CAPN1: variants seen among roughly 807,000 people sequenced by gnomAD.
CAPN1 encodes calpain 1.
CAPN1 carries 77 observed loss-of-function variants against 105.2 expected under a neutral mutation model. That is an observed-to-expected ratio of 0.73 (90% confidence interval 0.61 to 0.88). CAPN1 has a LOEUF of 0.88. Among genes scored for constraint, CAPN1 ranks in the 40% least tolerant of loss-of-function variants. The pLI, the probability that CAPN1 is intolerant of heterozygous loss-of-function variation, is 0.00. For missense variants in CAPN1, 833 were observed against 976.6 expected (o/e 0.85, Z 1.96); for synonymous variants, 355 against 388.8 (o/e 0.91, Z 1.02).
At chr11:65,183,036 C>T (rs2137307049) in intron 2 of CAPN1, 68 bp downstream of exon 2, 1 of 1,607,928 alleles carries the variant, frequency 6.2e-7, no homozygotes, top group South Asian at 1.1e-5. Context: ...GGATGGGACT[C>T]CATGTCCCTG....
rs778722037 is a variant in CAPN1 at position 65,186,196 on chromosome 11, CAG to C, written c.618_619del (p.Gly208GlnfsTer7). ...GTAAATGGCAGCTACGAGGCCCTGT[CAG>C]GGGGCAGCACCTCAGAGGGCTTTGA... is the stretch of plus-strand genomic sequence containing the variant. On this transcript the variant is annotated frameshift_variant, in exon 6 of 22. Transcript: ENST00000279247. LOFTEE classifies it high-confidence loss of function. The C allele has an allele frequency of 7.0e-5, 113 of 1,613,406 alleles. No homozygotes were observed. The highest frequency in any genetic ancestry group is 1.5e-4 in the Admixed American group (9 of 59,960).
In CAPN1 at chr11:65,208,033, C is replaced by G; in HGVS notation, c.1606-22C>G. The G allele has an allele frequency of 1.9e-6, 3 of 1,569,300 alleles. No homozygotes were observed. Among genetic ancestry groups the G allele is most frequent in the Non-Finnish European group, 2.6e-6 (3 of 1,156,690 alleles). On this transcript the variant is annotated intron_variant, in intron 14 of 21. Transcript: ENST00000279247. The surrounding 1 kb of genome is among the most constrained non-coding windows in gnomAD (Gnocchi z 4.1). Reference sequence around the variant, plus strand: ...GCAGGGCCGGGGCCTCTCTTACCTGCTTTCTCCCCTTCTCGGTCCAGCAAG... The same window carrying G: ...GCAGGGCCGGGGCCTCTCTTACCTGGTTTCTCCCCTTCTCGGTCCAGCAAG...
At position 65,188,351 on chromosome 11, in the gene CAPN1, C is replaced by T; in HGVS notation, c.930-63C>T. ...GGAAGACAGGCCAGGGTAGACAGGC[C>T]CCAGGGACAGAGGCCAGGCAGGTCA... On this transcript the variant is annotated intron_variant, in intron 8 of 21. Coordinates refer to ENST00000279247, the MANE Select transcript of CAPN1 (RefSeq NM_005186.4). The surrounding 1 kb of genome is among the most constrained non-coding windows in gnomAD (Gnocchi z 5.5). 1.4e-6 allele frequency: 2 copies of T among 1,458,462 alleles called. No homozygotes were observed. Among genetic ancestry groups the T allele is most frequent in the Non-Finnish European group, 1.9e-6 (2 of 1,059,714 alleles). 90.3% of individuals were successfully genotyped at this position (1,458,462 alleles called of 1,614,324 possible).
Position 65,188,699 on chromosome 11 carries a change from G to T in CAPN1, c.1118G>T (p.Gly373Val). Residue 373 changes from glycine to valine, a missense_variant, in exon 10 of 22, where the codon GGC (glycine) becomes GTC (valine). Coordinates refer to ENST00000279247, the MANE Select transcript of CAPN1 (RefSeq NM_005186.4). This position sits in a 1 kb window ranked among gnomAD's most constrained non-coding sequence, Gnocchi z 5.5. ...AAATGGAACACCACACTCTACGAAG[G>T]CACCTGGCGGCGGGGGAGCACCGCG... is the stretch of plus-strand genomic sequence containing the variant. ...IRKWNTTLYE[G>V]TWRRGSTAGG... 6.2e-7 allele frequency: 1 copy of T among 1,607,524 alleles called. No homozygotes were observed. The highest frequency in any genetic ancestry group is 8.5e-7 in the Non-Finnish European group (1 of 1,177,026).
rs1948675582 is a variant in CAPN1, at chr11:65,188,655, C to G, written c.1074C>G (p.Leu358=). The G allele has an allele frequency of 6.2e-7, 1 of 1,613,950 alleles. No homozygotes were observed. Among genetic ancestry groups the G allele is most frequent in the Non-Finnish European group, 8.5e-7 (1 of 1,179,862 alleles). The change falls in exon 10 of 22, where the codon CTC becomes CTG. Residue 358 remains leucine (L), a synonymous_variant. Transcript: ENST00000279247. This position sits in a 1 kb window ranked among gnomAD's most constrained non-coding sequence, Gnocchi z 5.5. The stretch of plus-strand genomic sequence containing the variant: ...TCTGCAACCTCACACCCGACGCCCT[C>G]AAGAGCCGGACCATCCGCAAATGGA... The part of the protein sequence containing the change: ...LEICNLTPDA[L]KSRTIRKWNT...
chr11:65,188,620 C>T lies in CAPN1; in HGVS notation c.1039C>T (p.Arg347Cys), dbSNP rs200456847. The T allele has an allele frequency of 3.2e-5, 52 of 1,613,828 alleles. No individual in the cohort carries two copies. The Admixed American group carries it at 4.8e-4, about 15-fold the overall frequency. The change falls in exon 10 of 22, where the codon CGC becomes TGC. Residue 347 changes from arginine (R) to cysteine (C), a missense_variant. By Grantham distance (180) the Arg-to-Cys change is radical. Transcript: ENST00000279247. This position sits in a 1 kb window ranked among gnomAD's most constrained non-coding sequence, Gnocchi z 5.5. ...SFRDFMREFT[R>C]LEICNLTPDA... ...CCGAGACTTCATGCGGGAGTTCACC[C>T]GCCTGGAGATCTGCAACCTCACACC...
At position 65,211,115 on chromosome 11, in the gene CAPN1, G is replaced by T. The variant is rs1012168585; in HGVS notation, c.2119-145G>T. The T allele has an allele frequency of 9.9e-6, 9 of 912,986 alleles. No individual in the cohort carries two copies. The East Asian group carries it at 2.4e-4, about 24-fold the overall frequency. The allele number at this position is 912,986 out of a possible 1,614,324, so 56.6% of individuals were successfully genotyped here. On this transcript the variant is annotated intron_variant, in intron 21 of 21. Coordinates refer to ENST00000279247, the MANE Select transcript of CAPN1 (RefSeq NM_005186.4). Reference sequence around the variant, plus strand: ...AGCAGCACTCTGGTTTCCCAGGGGTGGAGGAGGTAAGAAAGTAACCCCTCC... The same window carrying T: ...AGCAGCACTCTGGTTTCCCAGGGGTTGAGGAGGTAAGAAAGTAACCCCTCC...
Position 65,188,127 on chromosome 11 carries a change from C to A in CAPN1, c.929+87C>A. 2.0e-6 allele frequency: 2 copies of A among 985,380 alleles called. No individual in the cohort carries two copies. Among genetic ancestry groups the A allele is most frequent in the Non-Finnish European group, 3.0e-6 (2 of 663,924 alleles). 61.0% of individuals were successfully genotyped at this position (985,380 alleles called of 1,614,324 possible). On this transcript the variant is annotated intron_variant, in intron 8 of 21. Transcript: ENST00000279247. The surrounding 1 kb of genome is among the most constrained non-coding windows in gnomAD (Gnocchi z 5.5). The stretch of plus-strand genomic sequence containing the variant: ...CTGCTCGGGACTCTACCAGGCCAGG[C>A]TGGACTCAGGATTGAGCAGAGGGGC...
At chr11:65,200,192 G>A (rs2137365473) in intron 10 of CAPN1, among the ~76,000 whole-genome samples, 1 of 152,120 alleles carries the variant, frequency 6.6e-6, no homozygotes, top group African/African-American at 2.4e-5. Flanking sequence ...TGGGACTACA[G>A]GCACACACCA....
rs150973892 is a variant in CAPN1 at position 65,209,857 on chromosome 11, C to T, written c.1803C>T (p.Gly601=). 7.7e-5 allele frequency: 125 copies of T among 1,613,738 alleles called. No individual in the cohort carries two copies. The highest frequency in any genetic ancestry group is 6.7e-4 in the East Asian group (30 of 44,880). Residue 601 remains glycine (G), a synonymous_variant, in exon 18 of 22, where the codon GGC becomes GGT. Coordinates refer to ENST00000279247, the MANE Select transcript of CAPN1 (RefSeq NM_005186.4). The surrounding 1 kb of genome is among the most constrained non-coding windows in gnomAD (Gnocchi z 4.1). ...RSMVNLMDRD[G]NGKLGLVEFN... ...TCTTAACGGCCACCCAGCGTGATGGCAATGGGAAGCTGGGCCTGGTGGAGT... is the reference window on the plus strand; with the variant it reads ...TCTTAACGGCCACCCAGCGTGATGGTAATGGGAAGCTGGGCCTGGTGGAGT...
intron 10 of CAPN1, among the ~76,000 whole-genome samples, chr11:65,195,835 A>G (rs891998044): frequency 6.6e-6 from 1 of 152,072 alleles, no homozygotes; most frequent in South Asian, 2.1e-4. Flanking sequence ...GTTTGGTGGA[A>G]TTTCGAAGCC....
At position 65,205,003 on chromosome 11, in the gene CAPN1, T is replaced by C. The variant is rs1016401327; in HGVS notation, c.1341+145T>C. On this transcript the variant is annotated intron_variant, in intron 11 of 21. Coordinates refer to ENST00000279247, the MANE Select transcript of CAPN1 (RefSeq NM_005186.4). Reference sequence around the variant, plus strand: ...TTCCCCTCCACTCCCCCCACCATCCTGAGGGCTGGGAAATCTCAGCCTCCA... The same window carrying C: ...TTCCCCTCCACTCCCCCCACCATCCCGAGGGCTGGGAAATCTCAGCCTCCA... The C allele has an allele frequency of 1.5e-5, 10 of 688,032 alleles. No homozygotes were observed. In the African/African-American group the frequency reaches 1.6e-4, roughly 11 times the overall value. 42.6% of individuals were successfully genotyped at this position (688,032 alleles called of 1,614,324 possible).
chr11:65,197,118 T>C (rs561657448), intron 10 of CAPN1, among the ~76,000 whole-genome samples: 22 of 152,350 alleles, frequency 1.4e-4, no homozygotes, highest in Non-Finnish European at 2.5e-4. Context: ...TCCTGAAGTC[T>C]GTTCTCTCAG....
At chr11:65,186,446 C>G in intron 6 of CAPN1, 108 bp downstream of exon 6, 1 of 996,712 alleles carries the variant, frequency 1.0e-6, no homozygotes, top group South Asian at 1.7e-5. Context: ...CTGTCCTGCA[C>G]TTAAGCTTCA....
intron 10 of CAPN1, among the ~76,000 whole-genome samples, chr11:65,190,131 C>T (rs758618958): frequency 6.6e-5 from 10 of 152,222 alleles, no homozygotes; most frequent in African/African-American, 9.6e-5. Context: ...AGTGTCATTA[C>T]GGAGAGTCCT....
chr11:65,204,879 G>A (rs1226360760), intron 11 of CAPN1, 21 bp downstream of exon 11: 2 of 1,590,782 alleles, frequency 1.3e-6, no homozygotes, highest in African/African-American at 2.7e-5. Flanking sequence ...TGGATCACCG[G>A]TGGATCTCAC....
At chr11:65,201,067 C>G (rs551592756) in intron 10 of CAPN1, among the ~76,000 whole-genome samples, 42 of 150,878 alleles carry the variant, frequency 2.8e-4, no homozygotes. Flanking sequence ...GCCTCAGCCT[C>G]CCCAGTAGCT....
chr11:65,203,837 C>T (rs1948909013), intron 10 of CAPN1, among the ~76,000 whole-genome samples: 2 of 152,098 alleles, frequency 1.3e-5, no homozygotes, highest in African/African-American at 4.8e-5. Context: ...GTGAGGTTCC[C>T]ATCCCTCCAC....
rs372785668 is a variant in CAPN1 at position 65,206,648 on chromosome 11, C to A, written c.1539C>A (p.Phe513Leu). 23 of 1,613,286 alleles carry A rather than the reference C, an allele frequency of 1.4e-5. No individual in the cohort carries two copies. The highest frequency in any genetic ancestry group is 1.9e-5 in the Non-Finnish European group (22 of 1,179,882). Residue 513 changes from phenylalanine (F) to leucine (L), a missense_variant, in exon 13 of 22, where the codon TTC (phenylalanine) becomes TTA (leucine). By Grantham distance (22) the Phe-to-Leu change is conservative. Coordinates refer to ENST00000279247, the MANE Select transcript of CAPN1 (RefSeq NM_005186.4). ...AGGAGGGCGACTTCGTGCTGCGCTT[C>A]TTCTCAGAGAAGAGTGCTGGGACTG... is the stretch of plus-strand genomic sequence containing the variant. Reference protein sequence around the residue: ...PNKEGDFVLRFFSEKSAGTVE... With the variant: ...PNKEGDFVLRLFSEKSAGTVE...
Sources: gnomAD v4.1 joint callset for allele counts (sites outside exome capture counted in the v4.1 genomes callset) on GRCh38, gnomAD v4.1.1 for gene constraint, Gnocchi (gnomAD v3.1) non-coding constraint, MANE v1.5 for transcripts, NCBI Gene and HGNC (gene_info 2026-07-23, HGNC 2026-07-21) for gene names.